EIPR1: variants seen among roughly 807,000 people sequenced by gnomAD.
The protein encoded by EIPR1 is EARP complex and GARP complex interacting protein 1.
A neutral mutation model predicts 48.1 loss-of-function variants in EIPR1; 25 were observed. The observed-to-expected ratio is 0.52, with a 90% confidence interval of 0.38 to 0.73. EIPR1 has a LOEUF of 0.73. EIPR1 is among the 30% of genes least tolerant of loss of function. EIPR1 has a pLI of 0.00. For missense variants in EIPR1, 415 were observed against 506.2 expected (o/e 0.82, Z 1.73); for synonymous variants, 204 against 201.9 (o/e 1.01, Z -0.09).
At chr2:3,211,732 C>T (rs1037471) in intron 5 of EIPR1, among the ~76,000 whole-genome samples, 139,039 of 152,236 alleles carry the variant, frequency 0.91, 63,840 homozygotes, top group East Asian at 0.98. Flanking sequence ...TGCTCTCCTG[C>T]GTGAACAGAA....
Position 3,340,443 on chromosome 2 carries a change from G to C in EIPR1, c.127-2294C>G, listed in dbSNP as rs932288393. Among the ~76,000 whole-genome samples the C allele has an allele frequency of 2.6e-5, 4 of 152,242 alleles. No homozygotes were observed. The East Asian group carries it at 7.7e-4, about 29-fold the overall frequency. On this transcript the variant is annotated intron_variant, in intron 2 of 8. Transcript: ENST00000382125. ...CAGCAGGTTCAGAAACATTCCCAGT[G>C]AACAGCTTCCAATTACAAATCACAC...
intron 1 of EIPR1, among the ~76,000 whole-genome samples, chr2:3,374,178 G>A (rs1659793804): frequency 6.6e-6 from 1 of 151,780 alleles, no homozygotes; most frequent in African/African-American, 2.4e-5. Context: ...CTAGCCATAT[G>A]TAGAAAGCTG....
intron 2 of EIPR1, among the ~76,000 whole-genome samples, chr2:3,350,945 CAAAA>C (rs11344032): frequency 8.2e-6 from 1 of 122,362 alleles, no homozygotes; most frequent in Non-Finnish European, 1.6e-5. Context: ...TACTTCGTTC[CAAAA>C]AAAAAAAAAA....
At chr2:3,364,682 T>A (rs545307059) in intron 1 of EIPR1, among the ~76,000 whole-genome samples, 2 of 151,870 alleles carry the variant, frequency 1.3e-5, no homozygotes, top group South Asian at 4.2e-4. Flanking sequence ...ATCTTGTCAT[T>A]AGCAGCAAAA....
At chr2:3,201,782 A>G (rs925600489) in intron 5 of EIPR1, among the ~76,000 whole-genome samples, 3 of 152,246 alleles carry the variant, frequency 2.0e-5, no homozygotes, top group Admixed American at 6.5e-5. Context: ...ACAGTTTCCT[A>G]AAGAGAAGAA....
At chr2:3,362,516 G>A (rs1359966398) in intron 1 of EIPR1, among the ~76,000 whole-genome samples, 2 of 152,040 alleles carry the variant, frequency 1.3e-5, no homozygotes, top group Non-Finnish European at 2.9e-5. Flanking sequence ...AGTCAAATCT[G>A]GACTTCAGGT....
intron 2 of EIPR1, among the ~76,000 whole-genome samples, chr2:3,346,949 G>A (rs1224080370): frequency 6.6e-6 from 1 of 152,186 alleles, no homozygotes; most frequent in Non-Finnish European, 1.5e-5. Context: ...GCCTGGTTAG[G>A]AGGTGTTTAG....
intron 5 of EIPR1, among the ~76,000 whole-genome samples, chr2:3,202,139 A>G (rs2123748): frequency 0.99 from 150,445 of 151,970 alleles, 74,485 homozygotes; most frequent in East Asian, 1. Context: ...GGGTTTCACC[A>G]TGTTAGCCAG....
At chr2:3,321,767 C>A (rs2103326251) in intron 3 of EIPR1, among the ~76,000 whole-genome samples, 2 of 152,284 alleles carry the variant, frequency 1.3e-5, no homozygotes, top group East Asian at 3.9e-4. Context: ...AAAGAAATCT[C>A]AGGAACCCTC....
intron 2 of EIPR1, among the ~76,000 whole-genome samples, chr2:3,345,334 G>A (rs148667917): frequency 1.1e-3 from 162 of 152,276 alleles, no homozygotes; most frequent in Non-Finnish European, 1.6e-3. Flanking sequence ...CAGGCCAGGT[G>A]CAGTGGCTCA....
At chr2:3,321,724 C>A (rs1416776134) in intron 3 of EIPR1, among the ~76,000 whole-genome samples, 2 of 152,164 alleles carry the variant, frequency 1.3e-5, no homozygotes, top group Non-Finnish European at 2.9e-5. Flanking sequence ...ACAGTTTTCA[C>A]TATGAGCAGA....
intron 4 of EIPR1, among the ~76,000 whole-genome samples, chr2:3,231,188 T>G (rs753411573): frequency 3.9e-5 from 6 of 152,260 alleles, no homozygotes; most frequent in African/African-American, 1.2e-4. Context: ...GATTCTTGTA[T>G]GCAGATTTTG....
chr2:3,324,469 C>G (rs1669630912), intron 3 of EIPR1, among the ~76,000 whole-genome samples: 1 of 152,238 alleles, frequency 6.6e-6, no homozygotes, highest in Non-Finnish European at 1.5e-5. Context: ...CCAGGCTGGA[C>G]TCCCAGGCCG....
chr2:3,235,437 CA>C (rs1666373690), intron 4 of EIPR1, among the ~76,000 whole-genome samples: 4 of 56,516 alleles, frequency 7.1e-5, no homozygotes, highest in Admixed American at 2.7e-4. Flanking sequence ...CACACACACA[CA>C]CGCGTGCGCG....
intron 3 of EIPR1, among the ~76,000 whole-genome samples, chr2:3,316,239 A>G (rs56101927): frequency 0.46 from 66,481 of 144,928 alleles, 16,601 homozygotes; most frequent in East Asian, 0.82. Context: ...CACCATTATC[A>G]TCATCACCAC....
chr2:3,194,795 G>T (rs1237163203), intron 6 of EIPR1, among the ~76,000 whole-genome samples: 2 of 152,048 alleles, frequency 1.3e-5, no homozygotes, highest in Admixed American at 1.3e-4. Flanking sequence ...GAGGAGCAGT[G>T]GGGAAGGCCA....
chr2:3,236,489 G>A (rs536725006), intron 4 of EIPR1, among the ~76,000 whole-genome samples: 1 of 152,296 alleles, frequency 6.6e-6, no homozygotes, highest in Admixed American at 6.5e-5. Context: ...CCAAGGACCT[G>A]GCTGAAAACC....
intron 3 of EIPR1, chr2:3,301,019 A>G (rs1668747686): frequency 6.6e-6 from 1 of 152,226 alleles, no homozygotes; most frequent in African/African-American, 2.4e-5. Flanking sequence ...TCAGGAGCCA[A>G]AAAGTATCCT....
At chr2:3,244,332 G>A (rs887708986) in intron 4 of EIPR1, among the ~76,000 whole-genome samples, 6 of 152,134 alleles carry the variant, frequency 3.9e-5, no homozygotes, top group Admixed American at 3.3e-4. Context: ...GTCAACTCTA[G>A]TTAAAATTCC....
Sources: allele counts gnomAD v4.1 joint callset (sites outside exome capture counted in the v4.1 genomes callset), GRCh38; gene constraint gnomAD v4.1.1; transcripts MANE v1.5; gene names NCBI Gene and HGNC (gene_info 2026-07-23, HGNC 2026-07-21).